Variants in PARD3B observed in about 807,000 individuals in gnomAD.
PARD3B encodes par-3 family cell polarity regulator beta, also known as partitioning defective 3 homolog B.
In PARD3B, 103 loss-of-function variants were observed where a neutral mutation model predicts 130.2. The observed-to-expected ratio is 0.79, with a 90% CI of 0.67 to 0.93. The LOEUF (loss-of-function observed/expected upper bound fraction) is 0.93, where lower values mean the gene tolerates loss of function less well. Among genes scored for constraint, PARD3B ranks in the 40% least tolerant of loss-of-function variants. The probability of loss-of-function intolerance (pLI) is 0.00; values close to 1 mark genes in which losing one functional copy is unlikely to be tolerated. For missense variants in PARD3B, 1,609 were observed against 1,499.2 expected (o/e 1.07, Z -1.21); for synonymous variants, 583 against 553.2 (o/e 1.05, Z -0.76).
At chr2:204,810,491 C>A (rs965551423) in intron 2 of PARD3B, among the ~76,000 whole-genome samples, 4 of 152,024 alleles carry the variant, frequency 2.6e-5, no homozygotes, top group Admixed American at 2.0e-4. Flanking sequence ...TTATCAAAAG[C>A]CTTTTCTGCA....
At chr2:204,934,487 C>T (rs1688261318) in intron 2 of PARD3B, among the ~76,000 whole-genome samples, 1 of 152,150 alleles carries the variant, frequency 6.6e-6, no homozygotes, top group African/African-American at 2.4e-5. Flanking sequence ...TAAAGCAAAA[C>T]ATGATCAATT....
chr2:205,200,831 A>G (rs1036868205), intron 15 of PARD3B, among the ~76,000 whole-genome samples: 1 of 152,224 alleles, frequency 6.6e-6, no homozygotes, highest in African/African-American at 2.4e-5. Flanking sequence ...ATAGTGAATG[A>G]TAAAGGTTAT....
chr2:205,106,022 T>C (rs1703183257), intron 5 of PARD3B, among the ~76,000 whole-genome samples: 1 of 152,064 alleles, frequency 6.6e-6, no homozygotes, highest in South Asian at 2.1e-4. Flanking sequence ...AATAGCATCA[T>C]AGAGTCAACA....
At position 204,967,698 on chromosome 2, in the gene PARD3B, T is replaced by C. The variant is rs932573616; in HGVS notation, c.394+2375T>C. Among the ~76,000 whole-genome samples the C allele has an allele frequency of 2.6e-5, 4 of 152,238 alleles. No homozygotes were observed. The highest frequency in any genetic ancestry group is 5.9e-5 in the Non-Finnish European group (4 of 68,036). The stretch of plus-strand genomic sequence containing the variant: ...AAACATATTTGTCAGGTTTTTCAGA[T>C]AGCGAAGTTAAAGAAGGAAGCAACA... On this transcript the variant is annotated intron_variant, in intron 3 of 22. Coordinates refer to ENST00000406610, the MANE Select transcript of PARD3B (RefSeq NM_001302769.2). This position sits in a 1 kb window ranked among gnomAD's most constrained non-coding sequence, Gnocchi z 4.4.
intron 2 of PARD3B, among the ~76,000 whole-genome samples, chr2:204,905,291 C>T (rs978166309): frequency 6.6e-6 from 1 of 152,148 alleles, no homozygotes; most frequent in Non-Finnish European, 1.5e-5. Context: ...AACTGTGTAG[C>T]AGAATGGACC....
At chr2:204,574,652 C>T (rs2032164610) in intron 1 of PARD3B, among the ~76,000 whole-genome samples, 3 of 152,172 alleles carry the variant, frequency 2.0e-5, no homozygotes, top group Admixed American at 6.5e-5. Context: ...TGCTTCTGTT[C>T]TTATCTGTAA....
At chr2:205,041,225 G>C (rs1698376769) in intron 3 of PARD3B, among the ~76,000 whole-genome samples, 1 of 151,974 alleles carries the variant, frequency 6.6e-6, no homozygotes, top group African/African-American at 2.4e-5. Context: ...TCATCTTTGT[G>C]AATGCCCACC....
chr2:205,167,251 C>A (rs2034872048), intron 11 of PARD3B, among the ~76,000 whole-genome samples: 1 of 152,046 alleles, frequency 6.6e-6, no homozygotes, highest in Admixed American at 6.6e-5. Flanking sequence ...CACCCCCCAG[C>A]AATCATAAAT....
intron 1 of PARD3B, among the ~76,000 whole-genome samples, chr2:204,667,767 C>G (rs548307817): frequency 7.9e-5 from 12 of 152,258 alleles, no homozygotes; most frequent in African/African-American, 2.9e-4. Flanking sequence ...TTCATAGAAT[C>G]TTTATATTCC....
At position 204,764,045 on chromosome 2, in the gene PARD3B, A is replaced by G. The variant is rs139686189; in HGVS notation, c.222+77763A>G. Among the ~76,000 whole-genome samples, 128 of 152,300 alleles carry G rather than the reference A, an allele frequency of 8.4e-4. No homozygotes were observed. The East Asian group carries it at 0.019, about 23-fold the overall frequency. On this transcript the variant is annotated intron_variant, in intron 2 of 22. Transcript: ENST00000406610. The stretch of plus-strand genomic sequence containing the variant: ...CCCTAAATTCTTTGTCCCATGACCA[A>G]GAAAATTAAGGAGTGTGGACACTAA...
rs114334537 is a variant in PARD3B at position 205,129,383 on chromosome 2, T to C, written c.1434+3646T>C. Among the ~76,000 whole-genome samples the C allele has an allele frequency of 5.1e-3, 782 of 152,346 alleles. 5 individuals carry two copies. The highest frequency in any genetic ancestry group is 0.017 in the African/African-American group (696 of 41,586). On this transcript the variant is annotated intron_variant, in intron 10 of 22. Transcript: ENST00000406610. ...GGCTATTTCAGTGGGAATTACTTCATAGTGTGGCATACACCGGCCTGTTTG... is the reference window on the plus strand; with the variant it reads ...GGCTATTTCAGTGGGAATTACTTCACAGTGTGGCATACACCGGCCTGTTTG...
Position 204,846,475 on chromosome 2 carries a change from G to A in PARD3B, c.223-118677G>A, listed in dbSNP as rs185009969. On this transcript the variant is annotated intron_variant, in intron 2 of 22. Transcript: ENST00000406610. ...AAATTAATCCCTAATTGTCATTGCT[G>A]TGGACACAAAGTTCATACGTTGAAG... Among the ~76,000 whole-genome samples, 87 of 151,974 alleles carry A rather than the reference G, an allele frequency of 5.7e-4. 1 individual carries two copies. Among genetic ancestry groups the A allele is most frequent in the Non-Finnish European group, 1.0e-3 (69 of 67,944 alleles).
chr2:204,830,434 A>G (rs923667006), intron 2 of PARD3B, among the ~76,000 whole-genome samples: 2 of 152,226 alleles, frequency 1.3e-5, no homozygotes, highest in African/African-American at 4.8e-5. Context: ...ATATTAAGAT[A>G]CCTTCAGGAA....
intron 1 of PARD3B, among the ~76,000 whole-genome samples, chr2:204,636,113 A>G (rs1478622468): frequency 6.6e-6 from 1 of 152,124 alleles, no homozygotes; most frequent in East Asian, 1.9e-4. Context: ...AAATTAATTT[A>G]TGATGTTATA....
At chr2:205,254,088 TAAAAAAAAAA>T (rs11287171) in intron 16 of PARD3B, among the ~76,000 whole-genome samples, 2 of 75,972 alleles carry the variant, frequency 2.6e-5, no homozygotes, top group Admixed American at 1.6e-4. Context: ...GTAGAGAAAT[TAAAAAAAAAA>T]AAAAAAAAAA....
chr2:204,975,059 A>T (rs776194928), intron 3 of PARD3B, among the ~76,000 whole-genome samples: 1 of 152,092 alleles, frequency 6.6e-6, no homozygotes, highest in Non-Finnish European at 1.5e-5. Flanking sequence ...CGATTGTTCT[A>T]ATATTATGGG....
chr2:204,926,162 C>T (rs1178672447), intron 2 of PARD3B, among the ~76,000 whole-genome samples: 2 of 152,002 alleles, frequency 1.3e-5, no homozygotes, highest in African/African-American at 4.8e-5. Flanking sequence ...GCACTAGGCA[C>T]CTGGATTTGT....
chr2:204,980,520 AC>A lies in PARD3B; in HGVS notation c.394+15198del, dbSNP rs548839335. Among the ~76,000 whole-genome samples the A allele has an allele frequency of 3.7e-3, 562 of 152,322 alleles. 1 individual carries two copies. Among genetic ancestry groups the A allele is most frequent in the Non-Finnish European group, 5.3e-3 (358 of 68,026 alleles). On this transcript the variant is annotated intron_variant, in intron 3 of 22. Coordinates refer to ENST00000406610, the MANE Select transcript of PARD3B (RefSeq NM_001302769.2). ...ACTGAAAAAGAAAATGAGTGAATCCACAGTAGAGAAACCTGGCAAGCACTGT... is the reference window on the plus strand; with the variant it reads ...ACTGAAAAAGAAAATGAGTGAATCCAAGTAGAGAAACCTGGCAAGCACTGT...
intron 2 of PARD3B, among the ~76,000 whole-genome samples, chr2:204,809,461 A>G (rs1255274801): frequency 6.6e-6 from 1 of 152,132 alleles, no homozygotes; most frequent in Non-Finnish European, 1.5e-5. Flanking sequence ...TATATGATAT[A>G]AGGAAATGGT....
Sources: gnomAD v4.1 joint callset for allele counts (sites outside exome capture counted in the v4.1 genomes callset) on GRCh38, gnomAD v4.1.1 for gene constraint, Gnocchi (gnomAD v3.1) non-coding constraint, MANE v1.5 for transcripts, NCBI Gene and HGNC (gene_info 2026-07-23, HGNC 2026-07-21) for gene names.